The following CATSPERD variants were observed in gnomAD, a reference collection of about 807,000 sequenced individuals.
CATSPERD encodes the protein cation channel sperm-associated auxiliary subunit delta.
In CATSPERD, 86 loss-of-function variants were observed where a neutral mutation model predicts 98.1. The ratio of observed to expected loss-of-function variants is 0.88; its 90% CI spans 0.74 to 1.05. CATSPERD has a LOEUF of 1.05. CATSPERD is among the 50% of genes least tolerant of loss of function. CATSPERD has a pLI of 0.00. For missense variants in CATSPERD, 995 were observed against 1,005.7 expected (o/e 0.99, Z 0.14); for synonymous variants, 394 against 390.2 (o/e 1.01, Z -0.12).
At chr19:5,735,287 G>T (rs550725916) in intron 5 of CATSPERD, among the ~76,000 whole-genome samples, 8 of 151,874 alleles carry the variant, frequency 5.3e-5, no homozygotes, top group Admixed American at 4.6e-4. Context: ...ACAGGCACCC[G>T]CCACCACGCC....
intron 19 of CATSPERD, among the ~76,000 whole-genome samples, chr19:5,771,602 A>C (rs1431595720): frequency 2.6e-4 from 29 of 109,742 alleles, no homozygotes; most frequent in African/African-American, 4.7e-4. Context: ...TTTTTTTTCC[A>C]CTCTGTCACC....
intron 1 of CATSPERD, among the ~76,000 whole-genome samples, chr19:5,722,616 A>C (rs2055514030): frequency 6.6e-6 from 1 of 152,052 alleles, no homozygotes; most frequent in Non-Finnish European, 1.5e-5. Flanking sequence ...TGGTCCCTGG[A>C]CCAGCAGCAT....
chr19:5,742,900 T>C (rs1404843587), intron 7 of CATSPERD, among the ~76,000 whole-genome samples: 1 of 152,188 alleles, frequency 6.6e-6, no homozygotes, highest in Non-Finnish European at 1.5e-5. Flanking sequence ...AGGGAGGGTC[T>C]TGAAGGCAGG....
chr19:5,771,544 C>G (rs1191510207), intron 19 of CATSPERD, among the ~76,000 whole-genome samples: 2 of 151,378 alleles, frequency 1.3e-5, no homozygotes, highest in Non-Finnish European at 1.5e-5. Flanking sequence ...GGCCGATGGG[C>G]TTTTCTTTAT....
intron 1 of CATSPERD, among the ~76,000 whole-genome samples, chr19:5,722,580 A>G (rs1020996874): frequency 6.6e-6 from 1 of 152,092 alleles, no homozygotes; most frequent in African/African-American, 2.4e-5. Context: ...CAGTTCTCTC[A>G]TTTCCCCACA....
Position 5,747,584 on chromosome 19 carries a change from G to A in CATSPERD, c.809-576G>A, listed in dbSNP as rs544654660. On this transcript the variant is annotated intron_variant, in intron 9 of 21. Transcript: ENST00000381624. ...GAGCTTGCTTATAGAGAAGATTAAC[G>A]GGGATCTGGTTTTCTTTTTTCTTTT... Among the ~76,000 whole-genome samples, 71 of 150,964 alleles carry A rather than the reference G, an allele frequency of 4.7e-4. 2 individuals carry two copies. The South Asian group carries it at 0.014, about 30-fold the overall frequency.
At chr19:5,754,490 C>T (rs2056288013) in intron 13 of CATSPERD, among the ~76,000 whole-genome samples, 1 of 149,254 alleles carries the variant, frequency 6.7e-6, no homozygotes, top group African/African-American at 2.5e-5. Flanking sequence ...CCTCCACCTC[C>T]TGGGCTCAAG....
chr19:5,762,041 CATATAT>C (rs71172765), intron 15 of CATSPERD, among the ~76,000 whole-genome samples: 2 of 23,254 alleles, frequency 8.6e-5, no homozygotes, highest in African/African-American at 1.3e-4. Flanking sequence ...CCTGGCCTGC[CATATAT>C]ATATATATAT....
At chr19:5,736,124 C>G (rs1418386740) in intron 5 of CATSPERD, among the ~76,000 whole-genome samples, 1 of 151,716 alleles carries the variant, frequency 6.6e-6, no homozygotes, top group Non-Finnish European at 1.5e-5. Context: ...TTTGGCCAGG[C>G]TGGTCTTGAA....
chr19:5,727,087 C>G (rs1362218872), intron 2 of CATSPERD, among the ~76,000 whole-genome samples, 181 bp from the exon 3 acceptor site: 1 of 151,880 alleles, frequency 6.6e-6, no homozygotes, highest in Non-Finnish European at 1.5e-5. Flanking sequence ...CCCAGCTACT[C>G]GGGAGGCTGA....
rs1281542422 is a variant in CATSPERD at position 5,774,655 on chromosome 19, C to G, written c.1942-1506C>G. The stretch of plus-strand genomic sequence containing the variant: ...AGTGAGCCGAAACTGCACCACTGCA[C>G]TCCGGCCTGGGCAACAGAGCGAGGC... On this transcript the variant is annotated intron_variant, in intron 20 of 21. Coordinates refer to ENST00000381624, the MANE Select transcript of CATSPERD (RefSeq NM_152784.4). Among the ~76,000 whole-genome samples, 4 of 152,052 alleles carry G rather than the reference C, an allele frequency of 2.6e-5. 1 individual carries two copies. Among genetic ancestry groups the G allele is most frequent in the Non-Finnish European group, 5.9e-5 (4 of 68,020 alleles).
At chr19:5,728,356 C>CAAAAAAAAAAAAAAAAAAAAAAAAAA (rs564166119) in intron 3 of CATSPERD, among the ~76,000 whole-genome samples, 3 of 80,946 alleles carry the variant, frequency 3.7e-5, no homozygotes, top group African/African-American at 4.9e-5. Flanking sequence ...GACTCTGTCT[C>CAAAAAAAAAAAAAAAAAAAAAAAAAA]AAAAAAAAAA....
At chr19:5,778,312 G>A (rs747152657) in intron 21 of CATSPERD, 64 bp from the exon 22 acceptor site, 1 of 1,475,764 alleles carries the variant, frequency 6.8e-7, no homozygotes, top group Non-Finnish European at 9.3e-7. Flanking sequence ...ACCTTTGCCA[G>A]AGATAAGGCG....
At chr19:5,735,137 C>T (rs2055817263) in intron 5 of CATSPERD, among the ~76,000 whole-genome samples, 1 of 152,052 alleles carries the variant, frequency 6.6e-6, no homozygotes, top group South Asian at 2.1e-4. Flanking sequence ...TTACAAAAAA[C>T]CTTACTTTTC....
chr19:5,731,058 C>T (rs113043828), intron 4 of CATSPERD, among the ~76,000 whole-genome samples: 6,135 of 149,724 alleles, frequency 0.041, 319 homozygotes, highest in African/African-American at 0.11. Flanking sequence ...CACCACTGCA[C>T]TCCAGCCTGG....
intron 4 of CATSPERD, among the ~76,000 whole-genome samples, chr19:5,733,285 C>T (rs994247784): frequency 8.0e-5 from 12 of 149,532 alleles, no homozygotes; most frequent in East Asian, 3.9e-4. Flanking sequence ...TAAGCCACTG[C>T]GCCTGGTCTC....
intron 20 of CATSPERD, among the ~76,000 whole-genome samples, chr19:5,775,914 G>A (rs188932296): frequency 7.4e-4 from 113 of 152,282 alleles, no homozygotes; most frequent in African/African-American, 2.7e-3. Context: ...GGTATACGGA[G>A]TTGATCACCA....
chr19:5,747,461 C>G (rs903090639), intron 9 of CATSPERD, among the ~76,000 whole-genome samples: 19 of 152,080 alleles, frequency 1.2e-4, no homozygotes, highest in African/African-American at 4.3e-4. Context: ...AGCCACCAAA[C>G]CCGGCCTGTT....
At chr19:5,726,667 C>T (rs2055609925) in intron 2 of CATSPERD, among the ~76,000 whole-genome samples, 2 of 152,028 alleles carry the variant, frequency 1.3e-5, no homozygotes, top group South Asian at 4.1e-4. Flanking sequence ...CAGACGTGAG[C>T]CACCGCACCT....
Sources: allele counts gnomAD v4.1 joint callset (sites outside exome capture counted in the v4.1 genomes callset), GRCh38; gene constraint gnomAD v4.1.1; transcripts MANE v1.5; gene names NCBI Gene and HGNC (gene_info 2026-07-23, HGNC 2026-07-21).